Variants in HIVEP3 observed in about 807,000 individuals in gnomAD.
HIVEP3 encodes the protein transcription factor HIVEP3.
A neutral mutation model predicts 152.8 loss-of-function variants in HIVEP3; 49 were observed. That is an observed-to-expected ratio of 0.32 (90% confidence interval 0.26 to 0.41). HIVEP3 has a LOEUF of 0.41. Ranked by LOEUF, HIVEP3 falls within the 10% of genes least tolerant of loss-of-function variation. The probability of loss-of-function intolerance (pLI) is 1.00; values close to 1 mark genes in which losing one functional copy is unlikely to be tolerated. For missense variants in HIVEP3, 2,790 were observed against 3,103.3 expected (o/e 0.90, Z 2.40); for synonymous variants, 1,269 against 1,289.0 (o/e 0.98, Z 0.33).
intron 5 of HIVEP3, among the ~76,000 whole-genome samples, chr1:41,567,195 C>T (rs577230151): frequency 1.6e-4 from 24 of 152,274 alleles, no homozygotes; most frequent in South Asian, 6.2e-4. Flanking sequence ...ACAAGAAATA[C>T]GGTAGTCAGT....
intron 1 of HIVEP3, among the ~76,000 whole-genome samples, chr1:41,889,057 A>ACC (rs1285697958): frequency 2.5e-3 from 356 of 143,968 alleles, no homozygotes; most frequent in African/African-American, 9.0e-3. Context: ...CACACCACAC[A>ACC]ACACATACAC....
chr1:41,833,033 G>C (rs1308921970), intron 1 of HIVEP3, among the ~76,000 whole-genome samples: 1 of 152,204 alleles, frequency 6.6e-6, no homozygotes. Flanking sequence ...TCCTACAAAT[G>C]CAAGTAGAAG....
At chr1:41,616,156 G>A (rs1644965248) in intron 3 of HIVEP3, among the ~76,000 whole-genome samples, 1 of 152,142 alleles carries the variant, frequency 6.6e-6, no homozygotes, top group African/African-American at 2.4e-5. Context: ...TGACCAAGGT[G>A]GAGTCCATTT....
At chr1:41,883,279 T>C (rs1644291790) in intron 1 of HIVEP3, among the ~76,000 whole-genome samples, 3 of 152,080 alleles carry the variant, frequency 2.0e-5, no homozygotes, top group Admixed American at 2.0e-4. Flanking sequence ...CAGTAAATAC[T>C]ATCCAGGAAA....
chr1:41,840,086 T>A (rs1481004444), intron 1 of HIVEP3, among the ~76,000 whole-genome samples: 22 of 152,190 alleles, frequency 1.4e-4, no homozygotes, highest in African/African-American at 4.8e-4. Flanking sequence ...ATCCTGAGCC[T>A]GGCTCTCGTC....
chr1:41,988,259 T>C (rs1302481477), intron 1 of HIVEP3, among the ~76,000 whole-genome samples: 1 of 152,168 alleles, frequency 6.6e-6, no homozygotes, highest in Non-Finnish European at 1.5e-5. Context: ...ATAAAGCTTA[T>C]GCACAGCAAA....
chr1:41,715,771 A>G lies in HIVEP3; in HGVS notation c.-800-14776T>C, dbSNP rs568508365. Among the ~76,000 whole-genome samples the G allele has an allele frequency of 2.0e-5, 3 of 152,332 alleles. No homozygotes were observed. The South Asian group carries it at 6.2e-4, about 32-fold the overall frequency. On this transcript the variant is annotated intron_variant, in intron 1 of 8. Coordinates refer to ENST00000372583, the MANE Select transcript of HIVEP3 (RefSeq NM_024503.5). ...CCCTTAGGACTATGGTTGGGCCTCA[A>G]TAAACTGAAGTTTATCAAACACCAG...
intron 1 of HIVEP3, among the ~76,000 whole-genome samples, chr1:41,934,732 G>A (rs1010283852): frequency 3.3e-5 from 5 of 152,130 alleles, no homozygotes; most frequent in Admixed American, 3.3e-4. Context: ...AAATCCTATA[G>A]GAGTTAAGTA....
At chr1:41,950,117 G>C (rs563259683) in intron 1 of HIVEP3, among the ~76,000 whole-genome samples, 1 of 152,160 alleles carries the variant, frequency 6.6e-6, no homozygotes, top group Non-Finnish European at 1.5e-5. Context: ...AGGTAGTAAA[G>C]AGAGCTCACT....
chr1:41,928,892 TC>T (rs1008091817), intron 1 of HIVEP3, among the ~76,000 whole-genome samples: 5 of 152,176 alleles, frequency 3.3e-5, no homozygotes, highest in Admixed American at 6.5e-5. Context: ...ACATCTGTAA[TC>T]CCAGAACTTT....
intron 3 of HIVEP3, among the ~76,000 whole-genome samples, chr1:41,609,323 C>T (rs976860846): frequency 2.0e-5 from 3 of 152,248 alleles, no homozygotes; most frequent in African/African-American, 7.2e-5. Flanking sequence ...GCACAATGCC[C>T]ACCTAGTTCC....
chr1:41,911,595 AT>A (rs973686742), intron 1 of HIVEP3, among the ~76,000 whole-genome samples: 4 of 152,320 alleles, frequency 2.6e-5, no homozygotes, highest in African/African-American at 9.6e-5. Context: ...TTGAAAAAAA[AT>A]GTTTACAGCA....
At chr1:41,855,989 GATCCTCCTGCCT>G (rs1327288763) in intron 1 of HIVEP3, among the ~76,000 whole-genome samples, 1 of 152,182 alleles carries the variant, frequency 6.6e-6, no homozygotes, top group Non-Finnish European at 1.5e-5. Context: ...GGGTTCAAGT[GATCCTCCTGCCT>G]CACCCTCCCA....
intron 1 of HIVEP3, among the ~76,000 whole-genome samples, chr1:41,983,601 G>T (rs663626): frequency 0.059 from 8,924 of 152,018 alleles, 899 homozygotes; most frequent in African/African-American, 0.2. Flanking sequence ...GGAGAAAAAA[G>T]AAAAACAGTC....
chr1:41,574,204 AGGCGC>A (rs1197935633), intron 5 of HIVEP3, among the ~76,000 whole-genome samples: 2 of 152,076 alleles, frequency 1.3e-5, no homozygotes, highest in Non-Finnish European at 2.9e-5. Flanking sequence ...CGCTGTGAGC[AGGCGC>A]TTCATCAATC....
chr1:41,735,324 T>C (rs1646900549), intron 1 of HIVEP3, among the ~76,000 whole-genome samples: 1 of 152,166 alleles, frequency 6.6e-6, no homozygotes, highest in East Asian at 1.9e-4. Flanking sequence ...CTTGCTCTGA[T>C]GGTGACGATG....
chr1:41,587,048 C>A (rs1644516119), intron 3 of HIVEP3, among the ~76,000 whole-genome samples: 1 of 151,946 alleles, frequency 6.6e-6, no homozygotes, highest in Admixed American at 6.6e-5. Context: ...TCCTGGCAGC[C>A]AAGGAGAAAA....
At chr1:41,757,564 A>G (rs1330749687) in intron 1 of HIVEP3, among the ~76,000 whole-genome samples, 7 of 152,308 alleles carry the variant, frequency 4.6e-5, no homozygotes, top group African/African-American at 1.4e-4. Context: ...ACTGTGTCTC[A>G]AAAAACAAAT....
At chr1:41,562,504 CCTCT>C (rs1432961129) in intron 5 of HIVEP3, among the ~76,000 whole-genome samples, 4 of 151,858 alleles carry the variant, frequency 2.6e-5, no homozygotes, top group Non-Finnish European at 5.9e-5. Context: ...TTCCTTCCTT[CCTCT>C]CTTTCTCCTT....
Sources: allele counts gnomAD v4.1 joint callset (sites outside exome capture counted in the v4.1 genomes callset), GRCh38; gene constraint gnomAD v4.1.1; transcripts MANE v1.5; gene names NCBI Gene and HGNC (gene_info 2026-07-23, HGNC 2026-07-21).